IMMP2L: variants seen among roughly 807,000 people sequenced by gnomAD.
IMMP2L encodes the protein mitochondrial inner membrane protease subunit 2.
Under a neutral mutation model 19.3 loss-of-function variants are expected in IMMP2L, and 18 were observed. That is an observed-to-expected ratio of 0.93 (90% confidence interval 0.64 to 1.38). IMMP2L has a LOEUF of 1.38. Among genes scored for constraint, IMMP2L ranks in the 40% most tolerant of loss-of-function variants. IMMP2L has a pLI of 0.00. For synonymous variants in IMMP2L, 76 were observed against 73.0 expected, an observed-to-expected ratio of 1.04 and a Z score of -0.21; for missense variants, 233 against 218.2, an observed-to-expected ratio of 1.07 and a Z score of -0.43.
At chr7:110,912,472 C>T (rs982768262) in intron 4 of IMMP2L, among the ~76,000 whole-genome samples, 2 of 151,794 alleles carry the variant, frequency 1.3e-5, no homozygotes, top group African/African-American at 2.4e-5. Flanking sequence ...GGAAATAACA[C>T]ATTAAAGAAA....
intron 3 of IMMP2L, among the ~76,000 whole-genome samples, chr7:111,136,511 G>T (rs1802362996): frequency 6.6e-6 from 1 of 152,072 alleles, no homozygotes; most frequent in Non-Finnish European, 1.5e-5. Context: ...TCTAAGTTTT[G>T]TTTGTTCCAT....
At chr7:111,268,296 C>G (rs574187436) in intron 3 of IMMP2L, among the ~76,000 whole-genome samples, 34 of 151,830 alleles carry the variant, frequency 2.2e-4, no homozygotes, top group Middle Eastern at 6.8e-3. Context: ...GGAAGGAACT[C>G]AAGAGTATTA....
Position 111,265,046 on chromosome 7 carries a change from T to C in IMMP2L, c.239+222192A>G, listed in dbSNP as rs114706936. Among the ~76,000 whole-genome samples the C allele has an allele frequency of 4.1e-3, 622 of 152,264 alleles. 8 individuals carry two copies. Among genetic ancestry groups the C allele is most frequent in the African/African-American group, 0.014 (601 of 41,560 alleles). ...TTGTTTACAGATCATTGAAAACAAT[T>C]ATCAACTTGATGAGCTTCAAAGAGC... On this transcript the variant is annotated intron_variant, in intron 3 of 5. Transcript: ENST00000405709.
At chr7:110,787,300 T>C (rs570245092) in intron 5 of IMMP2L, among the ~76,000 whole-genome samples, 2 of 152,116 alleles carry the variant, frequency 1.3e-5, no homozygotes, top group African/African-American at 4.8e-5. Context: ...TGGACAGGTA[T>C]TTTATAAAGA....
chr7:111,389,598 A>G lies in IMMP2L; in HGVS notation c.239+97640T>C, dbSNP rs1584916931. Among the ~76,000 whole-genome samples the G allele has an allele frequency of 2.0e-5, 3 of 152,028 alleles. No homozygotes were observed. In the South Asian group the frequency reaches 6.2e-4, roughly 32 times the overall value. ...AAGAGGAGAGGGAGGGCAGATTGAG[A>G]GAGAGAGAGAGAATATGATAAAGCA... On this transcript the variant is annotated intron_variant, in intron 3 of 5. Transcript: ENST00000405709.
intron 3 of IMMP2L, among the ~76,000 whole-genome samples, chr7:111,099,488 G>A (rs553958713): frequency 8.6e-5 from 13 of 151,772 alleles, no homozygotes; most frequent in African/African-American, 3.1e-4. Flanking sequence ...TTTAGTAGAA[G>A]CGTTCTATAT....
At position 111,242,904 on chromosome 7, in the gene IMMP2L, T is replaced by C. The variant is rs143551913; in HGVS notation, c.239+244334A>G. 4.1e-3 allele frequency among the ~76,000 whole-genome samples: 623 copies of C among 152,244 alleles called. 4 individuals are homozygous for C. Among genetic ancestry groups the C allele is most frequent in the African/African-American group, 0.014 (596 of 41,552 alleles). On this transcript the variant is annotated intron_variant, in intron 3 of 5. Coordinates refer to ENST00000405709, the MANE Select transcript of IMMP2L (RefSeq NM_032549.4). ...TAATGACTCTATTTAGAAACAATTA[T>C]TGTCCAATTGTTCTCTAACTCACTG...
chr7:111,496,885 C>CATAG (rs1270411306), intron 2 of IMMP2L, among the ~76,000 whole-genome samples: 1 of 149,246 alleles, frequency 6.7e-6, no homozygotes, highest in Non-Finnish European at 1.5e-5. Context: ...AATTCCCTCT[C>CATAG]ATAGATAGAT....
At chr7:111,431,453 C>A (rs1438610757) in intron 3 of IMMP2L, among the ~76,000 whole-genome samples, 1 of 151,868 alleles carries the variant, frequency 6.6e-6, no homozygotes, top group South Asian at 2.1e-4. Context: ...AAGCAAGGAT[C>A]ATGGTACCCT....
intron 5 of IMMP2L, among the ~76,000 whole-genome samples, chr7:110,843,672 C>T (rs1805335173): frequency 6.6e-6 from 1 of 152,100 alleles, no homozygotes; most frequent in African/African-American, 2.4e-5. Context: ...ATGTAAATTA[C>T]ACATTGTAAT....
chr7:110,858,045 G>C (rs756374448), intron 5 of IMMP2L, among the ~76,000 whole-genome samples: 1 of 151,900 alleles, frequency 6.6e-6, no homozygotes, highest in African/African-American at 2.4e-5. Flanking sequence ...AGCTGAACTC[G>C]TCTCACAGTA....
chr7:110,815,484 A>C (rs1259582885), intron 5 of IMMP2L, among the ~76,000 whole-genome samples: 1 of 152,156 alleles, frequency 6.6e-6, no homozygotes, highest in Non-Finnish European at 1.5e-5. Context: ...GCCTCATAAA[A>C]TGAGTTAGGG....
chr7:111,546,157 C>T (rs1041200252), intron 1 of IMMP2L, among the ~76,000 whole-genome samples: 5 of 151,994 alleles, frequency 3.3e-5, no homozygotes, highest in African/African-American at 1.2e-4. Context: ...CCAAGAGTAT[C>T]CTTAAATATA....
intron 5 of IMMP2L, among the ~76,000 whole-genome samples, chr7:110,819,433 T>A (rs987834724): frequency 1.6e-4 from 24 of 152,036 alleles, no homozygotes. Flanking sequence ...GTCCCCATTT[T>A]GAAAACTGTG....
intron 3 of IMMP2L, among the ~76,000 whole-genome samples, chr7:111,300,526 T>C (rs1163730632): frequency 6.6e-6 from 1 of 152,126 alleles, no homozygotes; most frequent in African/African-American, 2.4e-5. Context: ...ACAACCATGA[T>C]ATTAACATTA....
At chr7:110,955,316 G>C (rs535808309) in intron 4 of IMMP2L, among the ~76,000 whole-genome samples, 1 of 151,840 alleles carries the variant, frequency 6.6e-6, no homozygotes, top group African/African-American at 2.4e-5. Flanking sequence ...CTTCAGTAAG[G>C]AAAAATTATA....
chr7:110,958,503 TCA>T (rs1283503733), intron 4 of IMMP2L, among the ~76,000 whole-genome samples: 1 of 152,078 alleles, frequency 6.6e-6, no homozygotes, highest in Non-Finnish European at 1.5e-5. Flanking sequence ...GGAGAGCAGA[TCA>T]CAGTTTTATT....
chr7:111,505,022 A>T (rs979975706), intron 2 of IMMP2L, among the ~76,000 whole-genome samples: 45 of 152,172 alleles, frequency 3.0e-4, no homozygotes, highest in African/African-American at 9.7e-4. Context: ...AACTACCATC[A>T]GAGTCAACAG....
chr7:110,671,487 A>C (rs1466575452), intron 5 of IMMP2L, among the ~76,000 whole-genome samples: 1 of 152,206 alleles, frequency 6.6e-6, no homozygotes, highest in Admixed American at 6.5e-5. Flanking sequence ...GTGATCCAGG[A>C]TATCAGTCAA....
Sources: allele counts gnomAD v4.1 joint callset (sites outside exome capture counted in the v4.1 genomes callset), GRCh38; gene constraint gnomAD v4.1.1; transcripts MANE v1.5; gene names NCBI Gene and HGNC (gene_info 2026-07-23, HGNC 2026-07-21).